The following MLIP variants were observed in gnomAD, a reference collection of about 807,000 sequenced individuals.
MLIP encodes muscular LMNA interacting protein.
MLIP carries 79 observed loss-of-function variants against 84.8 expected under a neutral mutation model. The observed-to-expected ratio is 0.93, with a 90% CI of 0.78 to 1.12. The LOEUF (loss-of-function observed/expected upper bound fraction) is 1.12. Among genes scored for constraint, MLIP ranks in the 50% most tolerant of loss-of-function variants. The pLI is 0.00. For missense variants in MLIP, 1,257 were observed against 1,160.6 expected, an observed-to-expected ratio of 1.08 and a Z score of -1.21; for synonymous variants, 504 against 463.0, an observed-to-expected ratio of 1.09 and a Z score of -1.14.
rs749621534 is a variant in MLIP, at chr6:54,121,519, C to T, written c.169C>T (p.His57Tyr). The T allele has an allele frequency of 6.2e-7, 1 of 1,613,976 alleles. No homozygotes were observed. The highest frequency in any genetic ancestry group is 8.5e-7 in the Non-Finnish European group (1 of 1,179,882). The stretch of plus-strand genomic sequence containing the variant: ...CCCCACTGTCAGAAGACTACCAACC[C>T]ATACTCAGTTGGCTGACACCTCTAA... ...FVPTVRRLPTHTQLADTSKFL... is the reference protein window; with the variant it reads ...FVPTVRRLPTYTQLADTSKFL... The change falls in exon 2 of 14, where the codon CAT becomes TAT. Residue 57 changes from histidine to tyrosine, a missense_variant. By Grantham distance (83) the His-to-Tyr change is moderately conservative. Transcript: ENST00000502396.
rs529951659 is a variant in MLIP, at chr6:54,086,293, C to T, written c.64-35154C>T. On this transcript the variant is annotated intron_variant, in intron 1 of 12. Coordinates refer to the MLIP transcript ENST00000274897. ...AGGCTCATATATCTAACTCCATACT[C>T]AGCATATTTACTTGAATGTCTAAAA... Among the ~76,000 whole-genome samples, 80 of 152,268 alleles carry T rather than the reference C, an allele frequency of 5.3e-4. No individual in the cohort carries two copies. In the South Asian group the frequency reaches 0.016, roughly 30 times the overall value.
chr6:54,146,089 G>T (rs190121191), intron 4 of MLIP, among the ~76,000 whole-genome samples: 20 of 151,988 alleles, frequency 1.3e-4, no homozygotes, highest in Non-Finnish European at 2.1e-4. Flanking sequence ...GTATAAAAAG[G>T]TATAAATAAG....
intron 13 of MLIP, among the ~76,000 whole-genome samples, chr6:54,259,615 T>C (rs1199789077): frequency 1.3e-5 from 2 of 151,848 alleles, no homozygotes; most frequent in Non-Finnish European, 2.9e-5. Context: ...AAACTTAAAA[T>C]TAAGATAGTG....
rs1771878600 is a variant in MLIP, at chr6:54,137,176, C to T, written c.1107C>T (p.Val369=). The T allele has an allele frequency of 1.3e-6, 2 of 1,536,004 alleles. No individual in the cohort carries two copies. The highest frequency in any genetic ancestry group is 2.7e-5 in the African/African-American group (2 of 73,026). Residue 369 remains valine (V), a synonymous_variant, in exon 4 of 14, where the codon GTC becomes GTT. Coordinates refer to ENST00000502396, the MANE Select transcript of MLIP (RefSeq NM_001281747.2). ...NSASYIPVRI[V]THSLSPSPKP... is the part of the protein sequence containing the mutation. Reference sequence around the variant, plus strand: ...CCTCGTACATACCAGTCCGCATTGTCACGCATTCACTCTCTCCGAGCCCCA... The same window carrying T: ...CCTCGTACATACCAGTCCGCATTGTTACGCATTCACTCTCTCCGAGCCCCA...
chr6:54,184,835 G>A (rs1296707910), intron 9 of MLIP, among the ~76,000 whole-genome samples: 4 of 152,006 alleles, frequency 2.6e-5, no homozygotes, highest in Non-Finnish European at 5.9e-5. Context: ...TTAAAACAAT[G>A]TCAAAGGCTG....
At chr6:54,196,998 G>T (rs1369450962) in intron 10 of MLIP, among the ~76,000 whole-genome samples, 1 of 152,040 alleles carries the variant, frequency 6.6e-6, no homozygotes, top group Non-Finnish European at 1.5e-5. Context: ...TCCAGACAAG[G>T]GAAGAGCAAA....
At chr6:54,253,786 A>T (rs1036260921) in intron 12 of MLIP, among the ~76,000 whole-genome samples, 2 of 152,110 alleles carry the variant, frequency 1.3e-5, no homozygotes, top group African/African-American at 4.8e-5. Flanking sequence ...AAATCAACTG[A>T]ATGTTTTATT....
chr6:54,052,113 T>C (rs1293171450), intron 1 of MLIP, among the ~76,000 whole-genome samples: 5 of 152,152 alleles, frequency 3.3e-5, no homozygotes, highest in Non-Finnish European at 7.4e-5. Flanking sequence ...GAAAAGATAA[T>C]GGTAACAGCG....
intron 10 of MLIP, among the ~76,000 whole-genome samples, chr6:54,191,015 T>G (rs1777869276): frequency 6.6e-6 from 1 of 152,014 alleles, no homozygotes; most frequent in Non-Finnish European, 1.5e-5. Flanking sequence ...CAGGATGGTC[T>G]CGATCTCCTG....
chr6:54,036,241 G>GTTT (rs10558454), intron 1 of MLIP, among the ~76,000 whole-genome samples: 77 of 141,670 alleles, frequency 5.4e-4, no homozygotes, highest in South Asian at 1.6e-3. Context: ...AGTCACCACT[G>GTTT]TTTTTTTTTT....
At chr6:54,126,334 G>A (rs1156957366) in intron 3 of MLIP, among the ~76,000 whole-genome samples, 1 of 151,754 alleles carries the variant, frequency 6.6e-6, no homozygotes, top group Non-Finnish European at 1.5e-5. Flanking sequence ...TTTTATTTTT[G>A]TGTGTTCAAA....
Position 54,069,879 on chromosome 6 carries a change from T to C in MLIP, c.63+50788T>C, listed in dbSNP as rs1386292199. ...AGCTTAAACTATTTCCTATTTCTCTTTGATACTATAAAGTTTTGTCAACCT... is the reference window on the plus strand; with the variant it reads ...AGCTTAAACTATTTCCTATTTCTCTCTGATACTATAAAGTTTTGTCAACCT... On this transcript the variant is annotated intron_variant, in intron 1 of 12. Transcript: ENST00000274897. 2.0e-5 allele frequency among the ~76,000 whole-genome samples: 2 copies of C among 100,458 alleles called. 1 individual carries two copies. The highest frequency in any genetic ancestry group is 1.9e-4 in the Admixed American group (2 of 10,788). The allele number at this position is 100,458 out of a possible 152,430, so 65.9% of individuals were successfully genotyped here.
chr6:54,107,031 CA>C (rs1245991701), upstream of MLIP, among the ~76,000 whole-genome samples: 3 of 152,150 alleles, frequency 2.0e-5, no homozygotes, highest in Non-Finnish European at 4.4e-5. Flanking sequence ...GAAAGTAATT[CA>C]ACAAGGAGAG....
At position 54,247,177 on chromosome 6, in the gene MLIP, G is replaced by A. The variant is rs576626949; in HGVS notation, c.2923-10131G>A. Reference sequence around the variant, plus strand: ...AGTTTATAAAATCCCAGGTGATATCGTAGGCAAATTTGGCAGTACTATGAA... The same window carrying A: ...AGTTTATAAAATCCCAGGTGATATCATAGGCAAATTTGGCAGTACTATGAA... On this transcript the variant is annotated intron_variant, in intron 12 of 13. Coordinates refer to ENST00000502396, the MANE Select transcript of MLIP (RefSeq NM_001281747.2). 2.0e-5 allele frequency among the ~76,000 whole-genome samples: 3 copies of A among 152,204 alleles called. No individual in the cohort carries two copies. In the East Asian group the frequency reaches 5.8e-4, roughly 29 times the overall value.
At chr6:54,188,994 T>A (rs144403494) in intron 9 of MLIP, among the ~76,000 whole-genome samples, 1 of 152,126 alleles carries the variant, frequency 6.6e-6, no homozygotes, top group South Asian at 2.1e-4. Flanking sequence ...CTGCGTCCAG[T>A]TGGACTGTCA....
At chr6:54,176,321 C>T (rs2792628) in intron 9 of MLIP, among the ~76,000 whole-genome samples, 142,865 of 151,622 alleles carry the variant, frequency 0.94, 67,877 homozygotes, top group East Asian at 1. Context: ...GGTATTAATT[C>T]TTCTTTAAAT....
intron 12 of MLIP, among the ~76,000 whole-genome samples, chr6:54,243,891 A>G (rs1781903999): frequency 6.6e-6 from 1 of 152,184 alleles, no homozygotes; most frequent in South Asian, 2.1e-4. Flanking sequence ...ATGCAAAGTG[A>G]CATACCCAAG....
chr6:54,130,471 G>A (rs1771284791), intron 3 of MLIP, among the ~76,000 whole-genome samples: 2 of 152,200 alleles, frequency 1.3e-5, no homozygotes, highest in East Asian at 1.9e-4. Context: ...GCTGAGGGAG[G>A]GGTTAGACCC....
chr6:54,261,655 G>T (rs1783401481), intron 13 of MLIP: 2 of 984,906 alleles, frequency 2.0e-6, no homozygotes, highest in South Asian at 4.7e-5. Flanking sequence ...GATGTCTAAG[G>T]TTCTAAGAGT....
Sources: allele counts gnomAD v4.1 joint callset (sites outside exome capture counted in the v4.1 genomes callset), GRCh38; gene constraint gnomAD v4.1.1; transcripts MANE v1.5; gene names NCBI Gene and HGNC (gene_info 2026-07-23, HGNC 2026-07-21).